CEP112: variants seen among roughly 807,000 people sequenced by gnomAD.
The protein encoded by CEP112 is centrosomal protein 112.
CEP112 carries 127 observed loss-of-function variants against 153.0 expected under a neutral mutation model. That is an observed-to-expected ratio of 0.83 (90% CI 0.72 to 0.96). The LOEUF (loss-of-function observed/expected upper bound fraction) is 0.96, where lower values mean the gene tolerates loss of function less well. Ranked by LOEUF, CEP112 falls within the 40% of genes least tolerant of loss-of-function variation. The probability of loss-of-function intolerance (pLI) is 0.00; values close to 1 mark genes in which losing one functional copy is unlikely to be tolerated. For synonymous variants in CEP112, 358 were observed against 374.4 expected, an observed-to-expected ratio of 0.96 and a Z score of 0.51; for missense variants, 1,089 against 1,101.2, an observed-to-expected ratio of 0.99 and a Z score of 0.16.
At chr17:65,902,513 A>T (rs2059911847) in intron 19 of CEP112, among the ~76,000 whole-genome samples, 179 bp from the exon 20 acceptor site, 1 of 151,952 alleles carries the variant, frequency 6.6e-6, no homozygotes. Flanking sequence ...AAACCTCCTA[A>T]TATTCAAAAT....
intron 21 of CEP112, among the ~76,000 whole-genome samples, chr17:65,781,639 C>T (rs2054004223): frequency 1.3e-5 from 2 of 152,096 alleles, no homozygotes. Context: ...CAGCATGGTA[C>T]TGGTACAAAA....
intron 23 of CEP112, among the ~76,000 whole-genome samples, chr17:65,741,069 C>T (rs908950187): frequency 6.6e-6 from 1 of 152,118 alleles, no homozygotes; most frequent in Non-Finnish European, 1.5e-5. Context: ...AACTGTTCAG[C>T]AGGATGATCT....
intron 21 of CEP112, among the ~76,000 whole-genome samples, chr17:65,784,215 G>A (rs1415808540): frequency 6.6e-6 from 1 of 152,206 alleles, no homozygotes; most frequent in Admixed American, 6.5e-5. Context: ...GGCGAGTAAT[G>A]TTAGGTCTAA....
intron 24 of CEP112, among the ~76,000 whole-genome samples, chr17:65,683,586 A>G (rs1189212279): frequency 1.3e-5 from 2 of 152,138 alleles, no homozygotes; most frequent in African/African-American, 2.4e-5. Context: ...AACAACCCCA[A>G]ATTAGCAAGT....
intron 17 of CEP112, among the ~76,000 whole-genome samples, chr17:65,969,014 T>C (rs1599181450): frequency 6.6e-6 from 1 of 152,118 alleles, no homozygotes; most frequent in African/African-American, 2.4e-5. Context: ...CCAAGATCTG[T>C]GCTCAGTATT....
At chr17:65,651,701 CCTTTCTTTTCTTT>C (rs758759392) in intron 24 of CEP112, among the ~76,000 whole-genome samples, 45 of 145,132 alleles carry the variant, frequency 3.1e-4, no homozygotes, top group Admixed American at 2.1e-4. Flanking sequence ...TTCCTTCCTT[CCTTTCTTTTCTTT>C]CTTTCTTGTC....
chr17:66,005,552 T>C, intron 17 of CEP112, 138 bp downstream of exon 17: 1 of 1,055,780 alleles, frequency 9.5e-7, no homozygotes, highest in Non-Finnish European at 1.3e-6. Context: ...AAGATAGAGA[T>C]TTGTGATGGG....
intron 6 of CEP112, among the ~76,000 whole-genome samples, chr17:66,113,437 G>A (rs2069148360): frequency 6.6e-6 from 1 of 152,084 alleles, no homozygotes; most frequent in Non-Finnish European, 1.5e-5. Context: ...TTCCAAAGAT[G>A]CTCAAGCACT....
intron 21 of CEP112, among the ~76,000 whole-genome samples, chr17:65,847,027 T>TGA (rs1289226284): frequency 7.2e-5 from 11 of 152,216 alleles, no homozygotes; most frequent in African/African-American, 2.7e-4. Context: ...TTACTCGATG[T>TGA]GAGCACAGCA....
At chr17:65,855,737 G>C (rs904086897) in intron 20 of CEP112, among the ~76,000 whole-genome samples, 2 of 152,202 alleles carry the variant, frequency 1.3e-5, no homozygotes, top group South Asian at 4.1e-4. Context: ...ATCTGAAGCA[G>C]TATAATTGGA....
At chr17:65,636,052 G>A in intron 26 of CEP112, 78 bp from the exon 27 acceptor site, 2 of 1,445,574 alleles carry the variant, frequency 1.4e-6, no homozygotes, top group Non-Finnish European at 1.9e-6. Flanking sequence ...TTCAATTCTG[G>A]AGAAGTTGAT....
chr17:65,960,251 G>C (rs1022591877), intron 18 of CEP112, among the ~76,000 whole-genome samples: 4 of 152,046 alleles, frequency 2.6e-5, no homozygotes. Flanking sequence ...TAAAAAGATT[G>C]TACTAAAACA....
rs552693388 is a variant in CEP112, at chr17:65,644,448, C to T, written c.2698-3383G>A. 1.8e-4 allele frequency: 75 copies of T among 422,902 alleles called. 1 individual carries two copies. The highest frequency in any genetic ancestry group is 1.7e-3 in the South Asian group (74 of 44,294). The allele number at this position is 422,902 out of a possible 1,614,324, so 26.2% of individuals were successfully genotyped here. ...AGCTCGGTTGCATTTATAATGCAGT[C>T]CTTGAGGATTCGGTCTTCTCACGTG... On this transcript the variant is annotated intron_variant, in intron 24 of 26. Coordinates refer to ENST00000535342, the MANE Select transcript of CEP112 (RefSeq NM_001199165.4).
At chr17:65,922,594 G>A (rs2060774839) in intron 19 of CEP112, among the ~76,000 whole-genome samples, 1 of 151,938 alleles carries the variant, frequency 6.6e-6, no homozygotes, top group Admixed American at 6.6e-5. Context: ...TCATCAAAAT[G>A]AGAATATAAT....
intron 18 of CEP112, among the ~76,000 whole-genome samples, chr17:65,936,064 T>A (rs1466624346): frequency 6.6e-6 from 1 of 152,070 alleles, no homozygotes; most frequent in Non-Finnish European, 1.5e-5. Flanking sequence ...AAGGGCAGAC[T>A]TTAAAATCGA....
At chr17:65,869,283 G>A (rs1164686659) in intron 20 of CEP112, among the ~76,000 whole-genome samples, 3 of 152,300 alleles carry the variant, frequency 2.0e-5, no homozygotes, top group East Asian at 3.9e-4. Context: ...GGCATATTTG[G>A]TATTATCGGA....
chr17:66,157,761 T>A (rs1457178364), intron 4 of CEP112, among the ~76,000 whole-genome samples: 1 of 150,302 alleles, frequency 6.7e-6, no homozygotes, highest in East Asian at 1.9e-4. Context: ...AAACAGACTT[T>A]AAAGCAACAA....
chr17:65,676,645 C>T lies in CEP112; in HGVS notation c.2697+12484G>A, dbSNP rs147208495. 1.6e-3 allele frequency among the ~76,000 whole-genome samples: 249 copies of T among 152,258 alleles called. 2 individuals carry two copies. The highest frequency in any genetic ancestry group is 5.7e-3 in the African/African-American group (236 of 41,540). ...GTATATCCAGGCCATATAGTAGGTG[C>T]TCAGTAAATGTTTGGTGAATTGAAG... is the stretch of plus-strand genomic sequence containing the variant. On this transcript the variant is annotated intron_variant, in intron 24 of 26. Transcript: ENST00000535342.
At chr17:66,044,171 A>G (rs1192842552) in intron 12 of CEP112, among the ~76,000 whole-genome samples, 1 of 151,986 alleles carries the variant, frequency 6.6e-6, no homozygotes, top group African/African-American at 2.4e-5. Context: ...TTTATCCCAA[A>G]CTTATAAAAA....
Sources: allele counts gnomAD v4.1 joint callset (sites outside exome capture counted in the v4.1 genomes callset), GRCh38; gene constraint gnomAD v4.1.1; transcripts MANE v1.5; gene names NCBI Gene and HGNC (gene_info 2026-07-23, HGNC 2026-07-21).